Variants in KMT2C observed in about 807,000 individuals in gnomAD.
The protein encoded by KMT2C is histone-lysine N-methyltransferase 2C.
In KMT2C, 88 loss-of-function variants were observed where a neutral mutation model predicts 507.9. That is an observed-to-expected ratio of 0.17 (90% CI 0.15 to 0.21). The LOEUF (loss-of-function observed/expected upper bound fraction) is 0.21. Among genes scored for constraint, KMT2C ranks in the 10% least tolerant of loss-of-function variants. The pLI is 1.00. For missense variants in KMT2C, 4,954 were observed against 5,957.8 expected, an observed-to-expected ratio of 0.83 and a Z score of 5.55; for synonymous variants, 2,049 against 2,080.8, an observed-to-expected ratio of 0.98 and a Z score of 0.42.
chr7:152,421,085 G>T (rs761365097), intron 1 of KMT2C, among the ~76,000 whole-genome samples: 1 of 151,442 alleles, frequency 6.6e-6, no homozygotes, highest in Non-Finnish European at 1.5e-5. Flanking sequence ...TGGGCAAAGG[G>T]CATGAACAGA....
intron 1 of KMT2C, among the ~76,000 whole-genome samples, chr7:152,422,284 T>TA (rs11423616): frequency 0.073 from 7,105 of 97,342 alleles, 339 homozygotes; most frequent in African/African-American, 0.15. Context: ...CAGTCTCTAC[T>TA]AAAAAAAAAA....
Position 152,252,616 on chromosome 7 carries a change from A to C in KMT2C, c.1399T>G (p.Cys467Gly). Residue 467 changes from cysteine (C) to glycine (G), a missense_variant, in exon 10 of 59, where the codon TGT becomes GGT. Around this residue, in one of 29 missense-constraint regions of KMT2C, gnomAD observed 376 missense variants for 352.4 expected, o/e 1.07. Coordinates refer to ENST00000262189, the MANE Select transcript of KMT2C (RefSeq NM_170606.3). ...DNCYQQQDNL[C>G]PFCGKCYHPE... ...TGATAACACTTCCCACAGAAGGGAC[A>C]TAAGTTATCCTGCTGTTGGTAACAA... is the stretch of plus-strand genomic sequence containing the variant. 1 of 1,613,840 alleles carries C rather than the reference A, an allele frequency of 6.2e-7. No homozygotes were observed. The highest frequency in any genetic ancestry group is 2.2e-5 in the East Asian group (1 of 44,846).
At position 152,181,253 on chromosome 7, in the gene KMT2C, A is replaced by G. The variant is rs375661369; in HGVS notation, c.6607T>C (p.Tyr2203His). The G allele has an allele frequency of 5.3e-5, 85 of 1,613,996 alleles. No individual in the cohort carries two copies. The highest frequency in any genetic ancestry group is 6.1e-5 in the Non-Finnish European group (72 of 1,180,026). ...CTTGGTGTTCCAGGAGGATGAGCAT[A>G]TGGATCAGAATGCCTCTGATTTGTT... ...PVTNQRHSDPYAHPPGTPRPG... is the reference protein window; with the variant it reads ...PVTNQRHSDPHAHPPGTPRPG... Residue 2203 changes from tyrosine to histidine, a missense_variant, in exon 36 of 59, where the codon TAT (tyrosine) becomes CAT (histidine). Physicochemically the swap from Tyr to His is moderately conservative, Grantham distance 83 (BLOSUM62 2). This residue lies in a region of KMT2C where 1,689 missense variants were observed against 1,654.3 expected (regional missense o/e 1.02). Transcript: ENST00000262189.
chr7:152,423,183 T>C (rs2097788758), intron 1 of KMT2C, among the ~76,000 whole-genome samples: 1 of 151,060 alleles, frequency 6.6e-6, no homozygotes, highest in South Asian at 2.1e-4. Context: ...CTACTAAAAA[T>C]ACAAAAATTA....
chr7:152,307,835 C>T (rs887651087), intron 6 of KMT2C, among the ~76,000 whole-genome samples: 11 of 152,312 alleles, frequency 7.2e-5, no homozygotes, highest in African/African-American at 2.4e-4. Flanking sequence ...CATACACCTA[C>T]ATTTCTGTAC....
chr7:152,293,490 A>G (rs1357367163), intron 6 of KMT2C, among the ~76,000 whole-genome samples: 3 of 152,234 alleles, frequency 2.0e-5, no homozygotes, highest in Non-Finnish European at 4.4e-5. Flanking sequence ...ACTATATAAA[A>G]TAAGTTTCCT....
chr7:152,418,347 C>T (rs1218029881), intron 1 of KMT2C, among the ~76,000 whole-genome samples: 1 of 152,174 alleles, frequency 6.6e-6, no homozygotes, highest in Non-Finnish European at 1.5e-5. Context: ...CAGAGCATTA[C>T]ACATAGTAAC....
chr7:152,330,055 A>G (rs1269911119), intron 3 of KMT2C, among the ~76,000 whole-genome samples: 1 of 145,806 alleles, frequency 6.9e-6, no homozygotes, highest in East Asian at 2.1e-4. Context: ...GAGGCAGAAG[A>G]CTCTCTTGAA....
At chr7:152,262,822 A>G (rs2095802230) in intron 9 of KMT2C, among the ~76,000 whole-genome samples, 194 bp downstream of exon 9, 1 of 152,168 alleles carries the variant, frequency 6.6e-6, no homozygotes, top group African/African-American at 2.4e-5. Flanking sequence ...AGGCACCAGG[A>G]AACTTTTGAG....
intron 14 of KMT2C, among the ~76,000 whole-genome samples, chr7:152,244,453 G>A (rs1385518982): frequency 1.3e-5 from 2 of 152,260 alleles, no homozygotes; most frequent in East Asian, 3.9e-4. Flanking sequence ...GACCCGAGAT[G>A]GAAGGATCGC....
intron 6 of KMT2C, among the ~76,000 whole-genome samples, chr7:152,309,361 G>C (rs949066998): frequency 9.7e-5 from 14 of 144,826 alleles, no homozygotes; most frequent in Non-Finnish European, 6.0e-5. Flanking sequence ...CCAACGCCCA[G>C]GCTGGAGTAT....
intron 46 of KMT2C, among the ~76,000 whole-genome samples, chr7:152,155,186 G>A (rs1306233896): frequency 6.6e-6 from 1 of 152,096 alleles, no homozygotes; most frequent in Non-Finnish European, 1.5e-5. Flanking sequence ...GGCCTACTGA[G>A]GTACAGTAGA....
chr7:152,214,044 A>G (rs1194527278), intron 23 of KMT2C, among the ~76,000 whole-genome samples: 1 of 152,190 alleles, frequency 6.6e-6, no homozygotes, highest in Non-Finnish European at 1.5e-5. Flanking sequence ...TCTTAGAATG[A>G]CTATTATCAA....
chr7:152,355,843 A>G (rs936292301), intron 2 of KMT2C, among the ~76,000 whole-genome samples: 3 of 152,186 alleles, frequency 2.0e-5, no homozygotes, highest in Non-Finnish European at 4.4e-5. Flanking sequence ...GCTATGATGG[A>G]GCAAAGAAGC....
chr7:152,200,564 TACACAAA>T (rs1204234450), intron 26 of KMT2C, among the ~76,000 whole-genome samples: 3 of 152,016 alleles, frequency 2.0e-5, no homozygotes, highest in African/African-American at 7.2e-5. Flanking sequence ...CTCTTGACTC[TACACAAA>T]ACACAAAAAT....
At chr7:152,147,797 G>A (rs534656471) in intron 52 of KMT2C, among the ~76,000 whole-genome samples, 15 of 151,672 alleles carry the variant, frequency 9.9e-5, no homozygotes, top group African/African-American at 3.1e-4. Context: ...AATCATTCTC[G>A]GATTTACCTC....
chr7:152,423,556 A>G (rs954996394), intron 1 of KMT2C, among the ~76,000 whole-genome samples: 9 of 152,228 alleles, frequency 5.9e-5, no homozygotes, highest in African/African-American at 2.2e-4. Context: ...TCTTAGGGCA[A>G]AGGCCACAAC....
At chr7:152,201,328 A>ACACACG (rs2094134614) in intron 26 of KMT2C, among the ~76,000 whole-genome samples, 1 of 150,818 alleles carries the variant, frequency 6.6e-6, no homozygotes, top group Non-Finnish European at 1.5e-5. Flanking sequence ...ACACACACAC[A>ACACACG]CACGCTGAAA....
At chr7:152,422,619 A>T (rs2097784209) in intron 1 of KMT2C, among the ~76,000 whole-genome samples, 1 of 152,138 alleles carries the variant, frequency 6.6e-6, no homozygotes, top group South Asian at 2.1e-4. Context: ...GTGATAAACC[A>T]ATTGCTCAAA....
Sources: allele counts gnomAD v4.1 joint callset (sites outside exome capture counted in the v4.1 genomes callset), GRCh38; gene constraint gnomAD v4.1.1; regional missense constraint gnomAD v4.1.1; transcripts MANE v1.5; gene names NCBI Gene and HGNC (gene_info 2026-07-23, HGNC 2026-07-21).